The following TENM1 variants were observed in gnomAD, a reference collection of about 807,000 sequenced individuals.
TENM1 encodes the protein teneurin-1.
In TENM1, 35 loss-of-function variants were observed where a neutral mutation model predicts 174.8. That is an observed-to-expected ratio of 0.20 (90% CI 0.15 to 0.27). The LOEUF (loss-of-function observed/expected upper bound fraction) is 0.27, where lower values mean the gene tolerates loss of function less well. Ranked by LOEUF, TENM1 falls within the 10% of genes least tolerant of loss-of-function variation. The probability of loss-of-function intolerance (pLI) is 1.00; values close to 1 mark genes in which losing one functional copy is unlikely to be tolerated. For synonymous variants in TENM1, 781 were observed against 798.7 expected (o/e 0.98, Z 0.37); for missense variants, 1,633 against 2,130.1 (o/e 0.77, Z 4.59).
chrX:124,493,866 T>A (rs952283196), intron 20 of TENM1, among the ~76,000 whole-genome samples: 1 of 111,811 alleles, frequency 8.9e-6, no homozygotes, highest in Admixed American at 9.5e-5. Flanking sequence ...TTGTCTTTAT[T>A]ATAAAGTCTT....
intron 3 of TENM1, among the ~76,000 whole-genome samples, chrX:124,882,522 G>A (rs1248939013): frequency 1.8e-5 from 2 of 111,720 alleles, no homozygotes; most frequent in Non-Finnish European, 3.8e-5. Flanking sequence ...CCCTTCTTAG[G>A]TCTAATAATA....
At chrX:124,887,100 A>G (rs111343296) in intron 3 of TENM1, among the ~76,000 whole-genome samples, 4,695 of 110,786 alleles carry the variant, frequency 0.042, 230 homozygotes, top group African/African-American at 0.15. Flanking sequence ...ATATATTTTC[A>G]ACCCATCATT....
chrX:125,155,873 G>A, the TENM1 span, among the ~76,000 whole-genome samples: 1 of 112,392 alleles, frequency 8.9e-6, no homozygotes, highest in Non-Finnish European at 1.9e-5. Context: ...TGAGGGAGCC[G>A]GCTCTGGCCT....
intron 20 of TENM1, among the ~76,000 whole-genome samples, chrX:124,488,564 C>T (rs1054664828): frequency 8.9e-6 from 1 of 112,259 alleles, no homozygotes; most frequent in Non-Finnish European, 1.9e-5. Context: ...GGATGAGGAG[C>T]TCTGATTAGA....
intron 25 of TENM1, among the ~76,000 whole-genome samples, chrX:124,414,094 T>TTTTG (rs747262269): frequency 1.8e-5 from 2 of 111,506 alleles, no homozygotes; most frequent in African/African-American, 3.3e-5. Context: ...TGGGTGGTGT[T>TTTTG]TTTGTTTGTT....
chrX:125,191,124 T>G, the TENM1 span, among the ~76,000 whole-genome samples: 50 of 111,746 alleles, frequency 4.5e-4, no homozygotes, highest in Middle Eastern at 4.7e-3. Flanking sequence ...TTGGTGAAAA[T>G]ATCTGAAATG....
rs772559742 is a variant in TENM1, at chrX:124,894,368, T to C, written c.479-16A>G. ...AATTTGAAACCTGTAACAGTAAACA[T>C]TTCACTAGTTAAGCCTTGTCCAAGT... On this transcript the variant is annotated splice_polypyrimidine_tract_variant and intron_variant, in intron 2 of 31. Coordinates refer to ENST00000422452, the Ensembl canonical transcript of TENM1. 4 of 1,165,467 alleles carry C rather than the reference T, an allele frequency of 3.4e-6. No individual in the cohort carries two copies. Among genetic ancestry groups the C allele is most frequent in the South Asian group, 1.9e-5 (1 of 53,387 alleles).
intron 27 of TENM1, among the ~76,000 whole-genome samples, chrX:124,393,968 T>C (rs1246201338): frequency 8.9e-6 from 1 of 112,632 alleles, no homozygotes; most frequent in Non-Finnish European, 1.9e-5. Context: ...ATATTCCATA[T>C]ACAGGTACTT....
At chrX:125,193,533 T>C in the TENM1 span, among the ~76,000 whole-genome samples, 1 of 111,681 alleles carries the variant, frequency 9.0e-6, no homozygotes, top group Non-Finnish European at 1.9e-5. Flanking sequence ...TATTAGGTAT[T>C]GTTAAGTAAT....
intron 1 of TENM1, among the ~76,000 whole-genome samples, chrX:124,905,368 T>G (rs780765815): frequency 9.0e-6 from 1 of 111,699 alleles, no homozygotes; most frequent in African/African-American, 3.3e-5. Context: ...AGAAAATAAC[T>G]TTTTGGACAC....
intron 10 of TENM1, among the ~76,000 whole-genome samples, chrX:124,644,483 T>C (rs1044770164): frequency 3.6e-5 from 4 of 110,165 alleles, no homozygotes; most frequent in African/African-American, 9.9e-5. Flanking sequence ...GAATGTAGCA[T>C]GAAAAACGTC....
chrX:124,786,280 C>A (rs1273967319), intron 3 of TENM1, among the ~76,000 whole-genome samples: 2 of 111,526 alleles, frequency 1.8e-5, no homozygotes, highest in African/African-American at 6.5e-5. Context: ...TCAGATATAT[C>A]TCTTGCATAT....
chrX:124,994,334 A>G, the TENM1 span, among the ~76,000 whole-genome samples: 1 of 106,919 alleles, frequency 9.4e-6, no homozygotes, highest in South Asian at 4.3e-4. Flanking sequence ...TCCAGCTATA[A>G]CAGCTGAGTG....
intron 3 of TENM1, among the ~76,000 whole-genome samples, chrX:124,839,836 G>C (rs2056462826): frequency 9.0e-6 from 1 of 111,626 alleles, no homozygotes; most frequent in African/African-American, 3.3e-5. Flanking sequence ...TTAAGTGATT[G>C]GACCTTATCT....
the TENM1 span, among the ~76,000 whole-genome samples, chrX:125,185,376 G>A: frequency 8.9e-6 from 1 of 112,169 alleles, no homozygotes; most frequent in Non-Finnish European, 1.9e-5. Flanking sequence ...GATTTGAGTA[G>A]CTGTATGTGG....
At chrX:124,872,418 AC>A (rs1243162464) in intron 3 of TENM1, among the ~76,000 whole-genome samples, 2 of 112,131 alleles carry the variant, frequency 1.8e-5, no homozygotes, top group African/African-American at 6.5e-5. Context: ...CAATGAAAAT[AC>A]GGGACAATTT....
chrX:124,914,269 C>G (rs113332129), intron 1 of TENM1, among the ~76,000 whole-genome samples: 8,469 of 111,033 alleles, frequency 0.076, 786 homozygotes, highest in African/African-American at 0.26. Flanking sequence ...ATGGAAACAA[C>G]ATATATCCCC....
chrX:124,697,318 G>C (rs972923294), intron 5 of TENM1, among the ~76,000 whole-genome samples: 11 of 111,417 alleles, frequency 9.9e-5, no homozygotes, highest in Admixed American at 9.6e-4. Context: ...GTTCATTACT[G>C]TCCCATAGAG....
In TENM1 at chrX:124,883,287, G is replaced by A. The variant is rs151036948; in HGVS notation, c.535+11009C>T. On this transcript the variant is annotated intron_variant, in intron 3 of 31. Coordinates refer to ENST00000422452, the Ensembl canonical transcript of TENM1. Reference sequence around the variant, plus strand: ...AATTTTTGCTTTGCTTCTGGGTGCCGTGCCGTAGTGTCATCTCTGTGTGAC... The same window carrying A: ...AATTTTTGCTTTGCTTCTGGGTGCCATGCCGTAGTGTCATCTCTGTGTGAC... 2.6e-3 allele frequency among the ~76,000 whole-genome samples: 291 copies of A among 111,813 alleles called. 1 individual carries two copies. The highest frequency in any genetic ancestry group is 8.9e-3 in the African/African-American group (274 of 30,762).
Sources: allele counts gnomAD v4.1 joint callset (sites outside exome capture counted in the v4.1 genomes callset), GRCh38; gene constraint gnomAD v4.1.1; transcripts MANE v1.5; gene names NCBI Gene and HGNC (gene_info 2026-07-23, HGNC 2026-07-21).